MEAK7: variants seen among roughly 807,000 people sequenced by gnomAD.
MEAK7 encodes MTOR associated protein MEAK7.
In MEAK7, 68 loss-of-function variants were observed where a neutral mutation model predicts 40.5. The observed-to-expected ratio is 1.68, with a 90% confidence interval of 1.38 to 2.06. MEAK7 has a LOEUF of 2.06. Ranked by LOEUF, MEAK7 falls within the 30% of genes most tolerant of loss-of-function variation. MEAK7 has a pLI of 0.00. For missense variants in MEAK7, 918 were observed against 580.5 expected, an observed-to-expected ratio of 1.58 and a Z score of -5.98; for synonymous variants, 338 against 231.9, an observed-to-expected ratio of 1.46 and a Z score of -4.16.
At chr16:84,493,235 T>G (rs1419401713) in intron 3 of MEAK7, among the ~76,000 whole-genome samples, 2 of 152,252 alleles carry the variant, frequency 1.3e-5, no homozygotes, top group African/African-American at 4.8e-5. Flanking sequence ...AATTGTGTCT[T>G]TAACCATGGC....
chr16:84,480,534 G>T lies in MEAK7; in HGVS notation c.1252C>A (p.Gln418Lys), dbSNP rs140599629. Residue 418 changes from glutamine to lysine, a missense_variant, in exon 7 of 8, where the codon CAG becomes AAG. Physicochemically the swap from Gln to Lys is moderately conservative, Grantham distance 53 (BLOSUM62 1). Coordinates refer to ENST00000343629, the MANE Select transcript of MEAK7 (RefSeq NM_020947.4). ...VWAVGDPSEE[Q>K]LAKGNKSILD... ...CAGAGGACAGCTCCACTCACCAACT[G>T]CTCCTCTGAGGGGTCTCCAACCGCC... The T allele has an allele frequency of 6.8e-5, 109 of 1,607,186 alleles. No individual in the cohort carries two copies. Among genetic ancestry groups the T allele is most frequent in the Non-Finnish European group, 8.9e-5 (105 of 1,177,114 alleles).
chr16:84,488,238 A>G (rs1221663525), intron 4 of MEAK7: 1 of 152,214 alleles, frequency 6.6e-6, no homozygotes, highest in African/African-American at 2.4e-5. Flanking sequence ...AGATGGATGA[A>G]CAGTTTACCC....
At chr16:84,491,152 G>T (rs974400555) in intron 3 of MEAK7, among the ~76,000 whole-genome samples, 1 of 152,230 alleles carries the variant, frequency 6.6e-6, no homozygotes, top group African/African-American at 2.4e-5. Flanking sequence ...AAAAACAGAA[G>T]TAGGGGGCTG....
intron 4 of MEAK7, chr16:84,487,766 G>C (rs424144): frequency 0.56 from 84,459 of 152,130 alleles, 24,182 homozygotes; most frequent in East Asian, 0.91. Flanking sequence ...CCTGGGACTC[G>C]AACAGCTGGC....
At chr16:84,490,270 A>G (rs1913452874) in intron 3 of MEAK7, among the ~76,000 whole-genome samples, 2 of 139,944 alleles carry the variant, frequency 1.4e-5, no homozygotes, top group African/African-American at 5.1e-5. Context: ...CTAAATTCCC[A>G]TAGCTGGGGG....
At chr16:84,480,235 G>T (rs529535896) in intron 7 of MEAK7, among the ~76,000 whole-genome samples, 3 of 152,094 alleles carry the variant, frequency 2.0e-5, no homozygotes, top group Non-Finnish European at 4.4e-5. Flanking sequence ...CCAGGGAAGC[G>T]GAAGGAACCC....
At position 84,479,497 on chromosome 16, in the gene MEAK7, G is replaced by GGAATTCCCTAATGCCAGCA. The variant is rs1912319084; in HGVS notation, c.*415_*416insTGCTGGCATTAGGGAATTC. ...GCCAGCGGAATTCCCTAATGCCAGC[G>GGAATTCCCTAATGCCAGCA]GAATTCCCTAATGCCAGCGGAATTC... On this transcript the variant is annotated 3_prime_UTR_variant, in exon 8 of 8. Coordinates refer to ENST00000343629, the MANE Select transcript of MEAK7 (RefSeq NM_020947.4). 1.6e-5 allele frequency: 2 copies of GGAATTCCCTAATGCCAGCA among 128,964 alleles called. No homozygotes were observed. The highest frequency in any genetic ancestry group is 6.9e-5 in the African/African-American group (2 of 28,872). 8.0% of individuals were successfully genotyped at this position (128,964 alleles called of 1,614,324 possible).
At position 84,477,193 on chromosome 16, in the gene MEAK7, C is replaced by G. The variant is rs1391506589; in HGVS notation, c.*2720G>C. 6.6e-6 allele frequency: 1 copy of G among 152,300 alleles called. No homozygotes were observed. The highest frequency in any genetic ancestry group is 6.6e-5 in the Admixed American group (1 of 15,250). 9.4% of individuals were successfully genotyped at this position (152,300 alleles called of 1,614,324 possible). On this transcript the variant is annotated 3_prime_UTR_variant, in exon 8 of 8. Coordinates refer to ENST00000343629, the MANE Select transcript of MEAK7 (RefSeq NM_020947.4). Reference sequence around the variant, plus strand: ...TACAGGCGTGAGCCATCACACCCAGCCTTTTTTTTTTTCTTGAAACGGAGT... The same window carrying G: ...TACAGGCGTGAGCCATCACACCCAGGCTTTTTTTTTTTCTTGAAACGGAGT...
intron 3 of MEAK7, 75 bp downstream of exon 3, chr16:84,495,608 A>C: frequency 1.4e-6 from 2 of 1,407,464 alleles, no homozygotes; most frequent in Admixed American, 3.4e-5. Context: ...TGTGCCATGT[A>C]ACTGGCCTCC....
intron 1 of MEAK7, among the ~76,000 whole-genome samples, chr16:84,502,173 G>T (rs1042082503): frequency 5.9e-5 from 9 of 151,982 alleles, no homozygotes; most frequent in African/African-American, 2.2e-4. Context: ...GCACGCTGGT[G>T]CTGGTGCTGA....
chr16:84,499,300 CG>C (rs1384389455), intron 1 of MEAK7, among the ~76,000 whole-genome samples: 2 of 152,158 alleles, frequency 1.3e-5, no homozygotes, highest in Non-Finnish European at 2.9e-5. Context: ...GGACTTTTTC[CG>C]GAAACCCAGT....
chr16:84,490,128 G>A (rs1913441244), intron 3 of MEAK7, among the ~76,000 whole-genome samples: 1 of 152,118 alleles, frequency 6.6e-6, no homozygotes, highest in Non-Finnish European at 1.5e-5. Flanking sequence ...TTGTTTTGCT[G>A]AACTGTTTTT....
At position 84,479,072 on chromosome 16, in the gene MEAK7, C is replaced by T. The variant is rs1030351451; in HGVS notation, c.*841G>A. On this transcript the variant is annotated 3_prime_UTR_variant, in exon 8 of 8. Coordinates refer to ENST00000343629, the MANE Select transcript of MEAK7 (RefSeq NM_020947.4). ...TTCCTCACACACATTCATTTAAAAA[C>T]AGCTGAGAGAGCTGGGTGTGGAACC... The T allele has an allele frequency of 6.6e-6, 1 of 152,248 alleles. No homozygotes were observed. Among genetic ancestry groups the T allele is most frequent in the African/African-American group, 2.4e-5 (1 of 41,460 alleles). 9.4% of individuals were successfully genotyped at this position (152,248 alleles called of 1,614,324 possible).
chr16:84,493,975 A>G (rs1026404127), intron 3 of MEAK7, among the ~76,000 whole-genome samples: 9 of 152,322 alleles, frequency 5.9e-5, no homozygotes, highest in Admixed American at 1.3e-4. Context: ...CCCAAGTCAC[A>G]TGGGTATCTA....
intron 5 of MEAK7, 64 bp downstream of exon 5, chr16:84,486,567 C>T (rs62048674): frequency 0.054 from 81,669 of 1,521,332 alleles, 2,435 homozygotes; most frequent in Non-Finnish European, 0.062. Flanking sequence ...CCACCCTCTC[C>T]CTTTCTCCAG....
At chr16:84,482,538 C>G (rs752077102) in intron 6 of MEAK7, 54 bp downstream of exon 6, 3 of 1,613,214 alleles carry the variant, frequency 1.9e-6, no homozygotes, top group Non-Finnish European at 1.7e-6. Context: ...GGGGTTGACA[C>G]CTTTGCTGGG....
At chr16:84,481,170 C>T (rs991027285) in intron 6 of MEAK7, among the ~76,000 whole-genome samples, 2 of 152,202 alleles carry the variant, frequency 1.3e-5, no homozygotes, top group Admixed American at 1.3e-4. Flanking sequence ...AACTCAGCTC[C>T]GAGTGTGTGG....
chr16:84,486,439 G>C, intron 5 of MEAK7, 192 bp downstream of exon 5: 1 of 1,382,638 alleles, frequency 7.2e-7, no homozygotes, highest in Non-Finnish European at 9.3e-7. Context: ...GGGTCACACG[G>C]CCTGTCCTGA....
chr16:84,495,063 G>A (rs1305976123), intron 3 of MEAK7, among the ~76,000 whole-genome samples: 2 of 152,164 alleles, frequency 1.3e-5, no homozygotes, highest in East Asian at 1.9e-4. Context: ...AAGCTCAGGA[G>A]TTGGAGACCA....
Sources: allele counts gnomAD v4.1 joint callset (sites outside exome capture counted in the v4.1 genomes callset), GRCh38; gene constraint gnomAD v4.1.1; transcripts MANE v1.5; gene names NCBI Gene and HGNC (gene_info 2026-07-23, HGNC 2026-07-21).